The following OSBPL10 variants were observed in gnomAD, a reference collection of about 807,000 sequenced individuals.
OSBPL10 encodes oxysterol binding protein like 10, also known as oxysterol-binding protein-related protein 10.
OSBPL10 carries 49 observed loss-of-function variants against 81.7 expected under a neutral mutation model. The ratio of observed to expected loss-of-function variants is 0.60; its 90% confidence interval spans 0.48 to 0.76. OSBPL10 has a LOEUF of 0.76. OSBPL10 is among the 30% of genes least tolerant of loss of function. The probability of loss-of-function intolerance (pLI) is 0.00; values close to 1 mark genes in which losing one functional copy is unlikely to be tolerated. For synonymous variants in OSBPL10, 419 were observed against 383.6 expected (o/e 1.09, Z -1.08); for missense variants, 923 against 987.8 (o/e 0.93, Z 0.88).
chr3:32,001,335 TTGG>T (rs1206280812), intron 2 of OSBPL10, among the ~76,000 whole-genome samples: 5 of 152,200 alleles, frequency 3.3e-5, no homozygotes, highest in African/African-American at 1.2e-4. Context: ...TGCTGATCTG[TTGG>T]TGTATTCTGT....
intron 2 of OSBPL10, among the ~76,000 whole-genome samples, chr3:31,995,271 C>T (rs976627636): frequency 1.3e-5 from 2 of 152,164 alleles, no homozygotes; most frequent in African/African-American, 4.8e-5. Flanking sequence ...GAGACCAGGG[C>T]GTATCTCAGT....
intron 1 of OSBPL10, among the ~76,000 whole-genome samples, chr3:31,929,257 A>T (rs867999983): frequency 1.1e-4 from 17 of 152,376 alleles, no homozygotes; most frequent in Middle Eastern, 3.4e-3. Flanking sequence ...GATGTTTAAC[A>T]AGAAATTCTA....
At chr3:31,789,958 T>A (rs370584593) in intron 4 of OSBPL10, among the ~76,000 whole-genome samples, 1 of 67,804 alleles carries the variant, frequency 1.5e-5, no homozygotes, top group South Asian at 3.8e-4. Flanking sequence ...ATTTTTATTC[T>A]TTTTTTTTTG....
At chr3:31,729,611 G>C (rs1469117374) in intron 6 of OSBPL10, among the ~76,000 whole-genome samples, 1 of 152,150 alleles carries the variant, frequency 6.6e-6, no homozygotes, top group Non-Finnish European at 1.5e-5. Flanking sequence ...AATAGAGATG[G>C]GGTTTTACCA....
chr3:31,693,822 C>A (rs896595901), intron 7 of OSBPL10, among the ~76,000 whole-genome samples: 1 of 152,134 alleles, frequency 6.6e-6, no homozygotes, highest in African/African-American at 2.4e-5. Flanking sequence ...GACTGGAGTG[C>A]AGTGGTATGA....
chr3:32,068,874 ACCT>A (rs1217403732), intron 1 of OSBPL10, among the ~76,000 whole-genome samples: 1 of 151,326 alleles, frequency 6.6e-6, no homozygotes, highest in African/African-American at 2.4e-5. Context: ...CTGACCTCTC[ACCT>A]CCTCCCCAGA....
chr3:32,017,857 A>C (rs1490784898), intron 2 of OSBPL10, among the ~76,000 whole-genome samples: 4 of 152,334 alleles, frequency 2.6e-5, no homozygotes, highest in African/African-American at 9.6e-5. Context: ...ACTTAAAGAA[A>C]TAAAATGTCA....
chr3:31,815,779 G>A lies in OSBPL10; in HGVS notation c.729+14261C>T, dbSNP rs140728015. Among the ~76,000 whole-genome samples, 317 of 152,266 alleles carry A rather than the reference G, an allele frequency of 2.1e-3. 2 individuals carry two copies. Among genetic ancestry groups the A allele is most frequent in the Non-Finnish European group, 1.6e-3 (111 of 68,030 alleles). On this transcript the variant is annotated intron_variant, in intron 4 of 11. Transcript: ENST00000396556. ...AGATCACAAAACACAGGTGCCAAGG[G>A]GGGTTTGAGTGTCACAGACATGAAC...
chr3:31,752,827 G>A (rs1426448646), intron 4 of OSBPL10, among the ~76,000 whole-genome samples: 1 of 152,196 alleles, frequency 6.6e-6, no homozygotes, highest in Non-Finnish European at 1.5e-5. Flanking sequence ...GATGGGTCAG[G>A]TGTCAACAAA....
intron 1 of OSBPL10, among the ~76,000 whole-genome samples, chr3:32,052,969 T>TA (rs573860707): frequency 2.0e-4 from 12 of 59,694 alleles, no homozygotes; most frequent in Admixed American, 6.3e-4. Context: ...TACAGAACAA[T>TA]CAAAAAAAAA....
rs938197937 is a variant in OSBPL10 at position 31,763,755 on chromosome 3, T to C, written c.730-15635A>G. 3.9e-5 allele frequency among the ~76,000 whole-genome samples: 6 copies of C among 152,228 alleles called. 2 individuals carry two copies. Among genetic ancestry groups the C allele is most frequent in the Admixed American group, 1.3e-4 (2 of 15,280 alleles). On this transcript the variant is annotated intron_variant, in intron 4 of 11. Coordinates refer to ENST00000396556, the MANE Select transcript of OSBPL10 (RefSeq NM_017784.5). ...GTGCCAATTATTTTCAGGAAAGAAATGCATCTCCAAATGGCACTTGAAAAA... is the reference window on the plus strand; with the variant it reads ...GTGCCAATTATTTTCAGGAAAGAAACGCATCTCCAAATGGCACTTGAAAAA...
intron 2 of OSBPL10, chr3:31,990,867 T>C (rs1699019632): frequency 1.3e-6 from 2 of 1,577,794 alleles, no homozygotes; most frequent in Non-Finnish European, 1.7e-6. Flanking sequence ...ATCACAAGTG[T>C]GATGATTGTG....
Position 31,879,761 on chromosome 3 carries a change from C to CT in OSBPL10, c.350dup (p.Pro118AlafsTer17). On this transcript the variant is annotated frameshift_variant, in exon 2 of 12. Coordinates refer to ENST00000396556, the MANE Select transcript of OSBPL10 (RefSeq NM_017784.5). LOFTEE classifies it high-confidence loss of function. ...CAGATAAAGACAGGACTCCTCGAGG[C>CT]TTCTGGTGTTTGCTTTGCTCATTCA... 1.2e-6 allele frequency: 2 copies of CT among 1,614,198 alleles called. No homozygotes were observed. The highest frequency in any genetic ancestry group is 1.7e-6 in the Non-Finnish European group (2 of 1,180,032).
intron 8 of OSBPL10, among the ~76,000 whole-genome samples, chr3:31,674,692 G>GTTCCCCTT (rs1408664086): frequency 1.3e-5 from 2 of 152,190 alleles, no homozygotes; most frequent in African/African-American, 4.8e-5. Flanking sequence ...CCACACAGGG[G>GTTCCCCTT]TTCCCCTTCC....
chr3:32,067,789 G>A (rs1312772156), intron 1 of OSBPL10, among the ~76,000 whole-genome samples: 5 of 152,100 alleles, frequency 3.3e-5, no homozygotes, highest in African/African-American at 7.2e-5. Context: ...ATCCTGAAAC[G>A]TATGAGAACT....
intron 7 of OSBPL10, among the ~76,000 whole-genome samples, chr3:31,688,515 G>A (rs925553892): frequency 8.6e-5 from 13 of 151,964 alleles, no homozygotes; most frequent in African/African-American, 2.4e-4. Context: ...TAATGCACAC[G>A]TTTCAAAACT....
At chr3:31,886,902 G>A (rs2125650954) in intron 1 of OSBPL10, among the ~76,000 whole-genome samples, 1 of 151,898 alleles carries the variant, frequency 6.6e-6, no homozygotes, top group South Asian at 2.1e-4. Context: ...TCATGCCACT[G>A]CACTCCAGCC....
At chr3:31,723,569 CA>C (rs1227381635) in intron 6 of OSBPL10, among the ~76,000 whole-genome samples, 1 of 151,772 alleles carries the variant, frequency 6.6e-6, no homozygotes, top group African/African-American at 2.4e-5. Context: ...CACACACACA[CA>C]CCCCTTTCCC....
intron 2 of OSBPL10, among the ~76,000 whole-genome samples, chr3:32,016,050 G>A (rs1274362603): frequency 6.6e-6 from 1 of 152,142 alleles, no homozygotes; most frequent in African/African-American, 2.4e-5. Flanking sequence ...ATTCCTCAGG[G>A]ATCTAGAACT....
Sources: gnomAD v4.1 joint callset for allele counts (sites outside exome capture counted in the v4.1 genomes callset) on GRCh38, gnomAD v4.1.1 for gene constraint, MANE v1.5 for transcripts, NCBI Gene and HGNC (gene_info 2026-07-23, HGNC 2026-07-21) for gene names.